The following CSMD3 variants were observed in gnomAD, a reference collection of about 807,000 sequenced individuals.
CSMD3 encodes CUB and Sushi multiple domains 3.
In CSMD3, 177 loss-of-function variants were observed where a neutral mutation model predicts 435.2. The observed-to-expected ratio is 0.41, with a 90% CI of 0.36 to 0.46. The LOEUF (loss-of-function observed/expected upper bound fraction) is 0.46. Ranked by LOEUF, CSMD3 falls within the 20% of genes least tolerant of loss-of-function variation. The pLI, the probability that CSMD3 is intolerant of heterozygous loss-of-function variation, is 0.34. For synonymous variants in CSMD3, 1,656 were observed against 1,520.5 expected, an observed-to-expected ratio of 1.09 and a Z score of -2.07; for missense variants, 4,265 against 4,504.6, an observed-to-expected ratio of 0.95 and a Z score of 1.52.
chr8:113,424,845 A>G lies in CSMD3; in HGVS notation c.178+11832T>C, dbSNP rs2094627160. On this transcript the variant is annotated intron_variant, in intron 1 of 70. Transcript: ENST00000297405. Reference sequence around the variant, plus strand: ...CTGTAGAATGTTATATTTACCTGTGATAAGGTAATGATACAATATATATGA... The same window carrying G: ...CTGTAGAATGTTATATTTACCTGTGGTAAGGTAATGATACAATATATATGA... Among the ~76,000 whole-genome samples the G allele has an allele frequency of 2.0e-5, 3 of 151,632 alleles. No individual in the cohort carries two copies. The South Asian group carries it at 6.2e-4, about 31-fold the overall frequency.
chr8:112,485,504 T>C (rs1820037329), intron 31 of CSMD3, among the ~76,000 whole-genome samples: 1 of 152,114 alleles, frequency 6.6e-6, no homozygotes, highest in African/African-American at 2.4e-5. Flanking sequence ...GACTCTAGAC[T>C]TATTTCACAC....
chr8:112,482,422 A>C (rs1346418964), intron 31 of CSMD3, among the ~76,000 whole-genome samples: 2 of 152,240 alleles, frequency 1.3e-5, no homozygotes, highest in East Asian at 3.8e-4. Context: ...TAAAGTGTAC[A>C]ATTGAATGCT....
chr8:112,916,135 G>T (rs2082564437), intron 10 of CSMD3, among the ~76,000 whole-genome samples: 1 of 151,816 alleles, frequency 6.6e-6, no homozygotes, highest in Non-Finnish European at 1.5e-5. Flanking sequence ...TATCTGTGGA[G>T]ATTTTCCTGC....
In CSMD3 at chr8:112,380,367, G is replaced by T; in HGVS notation, c.6121C>A (p.His2041Asn). ...SDISVSAAGF[H>N]LEYTAIGLDS... The stretch of plus-strand genomic sequence containing the variant: ...TTATTTTTACCTGTGTATTCAAGAT[G>T]AAATCCTGCAGCAGAAACACTGATG... Residue 2041 changes from histidine (H) to asparagine (N), a missense_variant, in exon 38 of 71, where the codon CAT becomes AAT. By Grantham distance (68) the His-to-Asn change is moderately conservative (BLOSUM62 1). This residue lies in a region of CSMD3 where 3,255 missense variants were observed against 3,380.2 expected (regional missense o/e 0.96). Coordinates refer to ENST00000297405, the MANE Select transcript of CSMD3 (RefSeq NM_198123.2). 1 of 1,570,612 alleles carries T rather than the reference G, an allele frequency of 6.4e-7. No homozygotes were observed. Among genetic ancestry groups the T allele is most frequent in the Non-Finnish European group, 8.8e-7 (1 of 1,140,872 alleles).
chr8:112,811,259 T>G (rs775719250), intron 12 of CSMD3, among the ~76,000 whole-genome samples: 4 of 151,988 alleles, frequency 2.6e-5, no homozygotes, highest in Non-Finnish European at 5.9e-5. Context: ...AATGCAAATC[T>G]TTAAAAAAAT....
At position 112,289,388 on chromosome 8, in the gene CSMD3, C is replaced by T. The variant is rs902785822; in HGVS notation, c.9125G>A (p.Ser3042Asn). ...ACCTGAACAATGAGGTTGTGATCCA[C>T]TCCAATGGCCATTCAATTGGCAGGT... ...SRTCQLNGHW[S>N]GSQPHCSGDA... Residue 3042 changes from serine to asparagine, a missense_variant, in exon 57 of 71, where the codon AGT becomes AAT. By Grantham distance (46) the Ser-to-Asn change is conservative. Coordinates refer to ENST00000297405, the MANE Select transcript of CSMD3 (RefSeq NM_198123.2). The T allele has an allele frequency of 6.2e-7, 1 of 1,613,288 alleles. No individual in the cohort carries two copies.
intron 40 of CSMD3, among the ~76,000 whole-genome samples, chr8:112,348,135 G>T (rs1193257607): frequency 1.3e-5 from 2 of 152,176 alleles, no homozygotes; most frequent in East Asian, 3.9e-4. Flanking sequence ...GGATACCAAA[G>T]AATGCATCTG....
intron 11 of CSMD3, among the ~76,000 whole-genome samples, chr8:112,841,833 C>T (rs1228894334): frequency 6.6e-6 from 1 of 151,820 alleles, no homozygotes; most frequent in East Asian, 1.9e-4. Flanking sequence ...CCCTTCAAAC[C>T]TTACCCCTAA....
intron 3 of CSMD3, among the ~76,000 whole-genome samples, chr8:113,180,198 A>G (rs1250526930): frequency 6.6e-6 from 1 of 152,038 alleles, no homozygotes; most frequent in Non-Finnish European, 1.5e-5. Context: ...AGAGCATAAC[A>G]TCAAGCTGAA....
chr8:113,058,227 T>C (rs761240423), intron 5 of CSMD3, among the ~76,000 whole-genome samples: 14 of 151,982 alleles, frequency 9.2e-5, no homozygotes, highest in Non-Finnish European at 1.3e-4. Flanking sequence ...ACTTTATTTC[T>C]TTTTATTGTT....
At chr8:113,195,452 T>C (rs1025869106) in intron 3 of CSMD3, among the ~76,000 whole-genome samples, 6 of 151,004 alleles carry the variant, frequency 4.0e-5, no homozygotes, top group African/African-American at 1.2e-4. Flanking sequence ...ATTTTCTTTA[T>C]TGAGTAGGAA....
intron 45 of CSMD3, among the ~76,000 whole-genome samples, chr8:112,326,319 T>G (rs527250814): frequency 6.6e-6 from 1 of 152,290 alleles, no homozygotes; most frequent in East Asian, 1.9e-4. Flanking sequence ...ATCCAGTTTG[T>G]ATTGATAACT....
rs73347963 is a variant in CSMD3, at chr8:112,985,736, G to A, written c.1031-9588C>T. ...TTAGATTCTTATAGGAGCATGAACT[G>A]CTCAAGCAAGAGATCTAGGTTGCAA... On this transcript the variant is annotated intron_variant, in intron 6 of 70. Transcript: ENST00000297405. Among the ~76,000 whole-genome samples, 536 of 152,186 alleles carry A rather than the reference G, an allele frequency of 3.5e-3. 3 individuals are homozygous for A. The highest frequency in any genetic ancestry group is 0.012 in the African/African-American group (502 of 41,544).
chr8:112,368,737 T>A (rs1828030352), intron 38 of CSMD3, among the ~76,000 whole-genome samples: 3 of 152,186 alleles, frequency 2.0e-5, no homozygotes, highest in Admixed American at 6.5e-5. Flanking sequence ...GAGTTAGGAC[T>A]AATTGCTTTG....
chr8:112,557,272 TAAC>T (rs1563699950), intron 24 of CSMD3, among the ~76,000 whole-genome samples: 1 of 151,952 alleles, frequency 6.6e-6, no homozygotes. Flanking sequence ...TACCATGATA[TAAC>T]AACAAGTATA....
intron 32 of CSMD3, among the ~76,000 whole-genome samples, chr8:112,447,816 A>G (rs7823743): frequency 0.43 from 64,890 of 152,010 alleles, 14,844 homozygotes; most frequent in Middle Eastern, 0.61. Flanking sequence ...AAAGCCTGGA[A>G]TGTCTCTTTT....
At chr8:112,700,415 C>T (rs1238414520) in intron 13 of CSMD3, among the ~76,000 whole-genome samples, 2 of 152,074 alleles carry the variant, frequency 1.3e-5, no homozygotes, top group East Asian at 3.9e-4. Flanking sequence ...GCTGGAAAAT[C>T]GCTTGAACCC....
intron 24 of CSMD3, among the ~76,000 whole-genome samples, chr8:112,565,378 C>T (rs1015992667): frequency 3.9e-5 from 6 of 151,972 alleles, no homozygotes; most frequent in Admixed American, 3.3e-4. Flanking sequence ...TAATTTTTTA[C>T]GATTTACATT....
intron 7 of CSMD3, among the ~76,000 whole-genome samples, chr8:112,961,680 G>C (rs1047932337): frequency 6.6e-6 from 1 of 151,874 alleles, no homozygotes; most frequent in African/African-American, 2.4e-5. Flanking sequence ...TTAAGGATTG[G>C]ATAAAGTTAT....
Sources: gnomAD v4.1 joint callset for allele counts (sites outside exome capture counted in the v4.1 genomes callset) on GRCh38, gnomAD v4.1.1 for gene constraint, gnomAD v4.1.1 regional missense constraint, MANE v1.5 for transcripts, NCBI Gene and HGNC (gene_info 2026-07-23, HGNC 2026-07-21) for gene names.